The following EYA3 variants were observed in gnomAD, a reference collection of about 807,000 sequenced individuals.
EYA3 encodes the protein protein phosphatase EYA3.
A neutral mutation model predicts 80.0 loss-of-function variants in EYA3; 39 were observed. The observed-to-expected ratio is 0.49, with a 90% CI of 0.38 to 0.64. The LOEUF is 0.64. Ranked by LOEUF, EYA3 falls within the 30% of genes least tolerant of loss-of-function variation. EYA3 has a pLI of 0.00. For missense variants in EYA3, 523 were observed against 676.1 expected (o/e 0.77, Z 2.51); for synonymous variants, 206 against 232.8 (o/e 0.88, Z 1.05).
At chr1:28,063,175 T>C (rs1644698000) in intron 1 of EYA3, among the ~76,000 whole-genome samples, 2 of 151,894 alleles carry the variant, frequency 1.3e-5, no homozygotes, top group Middle Eastern at 3.2e-3. Context: ...TACAGAGATA[T>C]TCAGGAGTTA....
At chr1:27,996,038 A>G (rs1640430930) in intron 13 of EYA3, among the ~76,000 whole-genome samples, 2 of 152,026 alleles carry the variant, frequency 1.3e-5, no homozygotes, top group Admixed American at 1.3e-4. Flanking sequence ...ACGCCTGGCT[A>G]ATTTTTGTAT....
intron 17 of EYA3, 99 bp downstream of exon 17, chr1:27,978,275 T>C: frequency 8.9e-6 from 7 of 786,608 alleles, no homozygotes; most frequent in Non-Finnish European, 1.4e-5. Context: ...GAGAAAATAT[T>C]ATAAATGCAT....
rs762655603 is a variant in EYA3, at chr1:28,038,917, A to G, written c.158-12T>C. The G allele has an allele frequency of 1.9e-6, 3 of 1,576,314 alleles. No homozygotes were observed. The highest frequency in any genetic ancestry group is 2.6e-6 in the Non-Finnish European group (3 of 1,153,224). ...GGTGCATGTCATAACTGAAAGAAAG[A>G]TAATATCACCAGGTTAAAAAGTTAG... On this transcript the variant is annotated splice_polypyrimidine_tract_variant and intron_variant, in intron 4 of 17. Coordinates refer to ENST00000373871, the MANE Select transcript of EYA3 (RefSeq NM_001990.4).
intron 12 of EYA3, chr1:27,998,236 A>T: frequency 1.3e-6 from 1 of 757,990 alleles, no homozygotes; most frequent in Non-Finnish European, 1.6e-6. Context: ...CACTTTTAAG[A>T]AGCTCCCCAG....
At chr1:27,995,277 T>G (rs1571742737) in intron 13 of EYA3, among the ~76,000 whole-genome samples, 1 of 150,996 alleles carries the variant, frequency 6.6e-6, no homozygotes, top group Non-Finnish European at 1.5e-5. Context: ...CTGGGTATGG[T>G]GGCATGCGCC....
At chr1:28,035,145 CA>C (rs1304119441) in intron 6 of EYA3, among the ~76,000 whole-genome samples, 1 of 151,134 alleles carries the variant, frequency 6.6e-6, no homozygotes, top group Non-Finnish European at 1.5e-5. Flanking sequence ...GAGAAGTTGG[CA>C]AAAAAAACCC....
At chr1:28,061,026 A>C (rs184383013) in intron 1 of EYA3, among the ~76,000 whole-genome samples, 1 of 152,232 alleles carries the variant, frequency 6.6e-6, no homozygotes, top group Non-Finnish European at 1.5e-5. Context: ...AAAGAAAAGA[A>C]AAGAAAAGTT....
At chr1:28,082,408 A>G (rs1287445894) in intron 1 of EYA3, among the ~76,000 whole-genome samples, 1 of 152,178 alleles carries the variant, frequency 6.6e-6, no homozygotes, top group Non-Finnish European at 1.5e-5. Context: ...AATCATCTTA[A>G]TATGATCAAT....
chr1:28,002,366 TA>T lies in EYA3; in HGVS notation c.993+1969del, dbSNP rs549359162. 9.2e-5 allele frequency among the ~76,000 whole-genome samples: 14 copies of T among 151,964 alleles called. No individual in the cohort carries two copies. The East Asian group carries it at 2.7e-3, about 29-fold the overall frequency. On this transcript the variant is annotated intron_variant, in intron 11 of 17. Coordinates refer to ENST00000373871, the MANE Select transcript of EYA3 (RefSeq NM_001990.4). ...GCCTGGCCAATATATAAAATTTTTATACACATTTTGGGATTACAGATGAGAG... is the reference window on the plus strand; with the variant it reads ...GCCTGGCCAATATATAAAATTTTTATCACATTTTGGGATTACAGATGAGAG...
chr1:28,021,505 C>T (rs542589426), intron 7 of EYA3, among the ~76,000 whole-genome samples: 1 of 152,126 alleles, frequency 6.6e-6, no homozygotes, highest in Non-Finnish European at 1.5e-5. Context: ...TCTCCAGCAT[C>T]TAGCAAAGCA....
At chr1:28,080,169 G>A (rs1390681163) in intron 1 of EYA3, among the ~76,000 whole-genome samples, 1 of 152,092 alleles carries the variant, frequency 6.6e-6, no homozygotes, top group Non-Finnish European at 1.5e-5. Context: ...TAGAGGCCAG[G>A]CACAGTGGCT....
At chr1:28,060,312 A>T (rs964863592) in intron 1 of EYA3, among the ~76,000 whole-genome samples, 3 of 152,232 alleles carry the variant, frequency 2.0e-5, no homozygotes, top group African/African-American at 7.2e-5. Flanking sequence ...ATTAAAGGAG[A>T]ACATAATACT....
chr1:28,046,909 G>A lies in EYA3; in HGVS notation c.77+1474C>T, dbSNP rs538827225. ...CCAACCCAGGATGGAGTTCAGTGGC[G>A]CAATCTTGGCTCACCACAACTTCTG... On this transcript the variant is annotated intron_variant, in intron 3 of 17. Transcript: ENST00000373871. Among the ~76,000 whole-genome samples, 8 of 151,342 alleles carry A rather than the reference G, an allele frequency of 5.3e-5. No individual in the cohort carries two copies. In the East Asian group the frequency reaches 5.8e-4, roughly 11 times the overall value.
In EYA3 at chr1:28,013,137, G is replaced by A. The variant is rs781041381; in HGVS notation, c.743C>T (p.Ala248Val). 3.7e-6 allele frequency: 6 copies of A among 1,613,576 alleles called. No homozygotes were observed. The highest frequency in any genetic ancestry group is 5.1e-6 in the Non-Finnish European group (6 of 1,179,886). ...QSEKPSVMAP[A>V]PAAQRLSSGD... is the part of the protein sequence containing the mutation. Reference sequence around the variant, plus strand: ...AGAGGAAAGTCTCTGTGCTGCAGGTGCAGGCGCCATGACACTAGGCTTCTC... The same window carrying A: ...AGAGGAAAGTCTCTGTGCTGCAGGTACAGGCGCCATGACACTAGGCTTCTC... Residue 248 changes from alanine to valine, a missense_variant, in exon 9 of 18, where the codon GCA becomes GTA. Physicochemically the swap from Ala to Val is moderately conservative, Grantham distance 64 (BLOSUM62 0). Transcript: ENST00000373871. The surrounding 1 kb of genome is among the most constrained non-coding windows in gnomAD (Gnocchi z 4.0).
chr1:28,077,743 C>T (rs747307761), intron 1 of EYA3, among the ~76,000 whole-genome samples: 1 of 152,152 alleles, frequency 6.6e-6, no homozygotes, highest in East Asian at 1.9e-4. Context: ...TTATCTTCAT[C>T]CTTCTTTAAT....
chr1:27,994,745 T>A (rs568233412), intron 13 of EYA3, among the ~76,000 whole-genome samples: 1 of 151,980 alleles, frequency 6.6e-6, no homozygotes, highest in African/African-American at 2.4e-5. Context: ...AATGGGAGGA[T>A]TGCTTGAGGC....
At chr1:27,975,731 G>A (rs552412726) in intron 17 of EYA3, among the ~76,000 whole-genome samples, 11 of 151,548 alleles carry the variant, frequency 7.3e-5, no homozygotes, top group East Asian at 1.9e-4. Context: ...ATGATCGCCC[G>A]TCTTGGCCTC....
intron 10 of EYA3, among the ~76,000 whole-genome samples, chr1:28,007,532 A>G (rs769721987): frequency 6.6e-6 from 1 of 151,502 alleles, no homozygotes; most frequent in Non-Finnish European, 1.5e-5. Context: ...ACGGGGTTTC[A>G]CCATGTTGGT....
chr1:28,058,476 G>T (rs1390895010), intron 1 of EYA3, among the ~76,000 whole-genome samples: 2 of 152,194 alleles, frequency 1.3e-5, no homozygotes, highest in African/African-American at 4.8e-5. Flanking sequence ...CATCTAACCT[G>T]CTTTAATGTG....
Sources: gnomAD v4.1 joint callset for allele counts (sites outside exome capture counted in the v4.1 genomes callset) on GRCh38, gnomAD v4.1.1 for gene constraint, Gnocchi (gnomAD v3.1) non-coding constraint, MANE v1.5 for transcripts, NCBI Gene and HGNC (gene_info 2026-07-23, HGNC 2026-07-21) for gene names.